Variants in ASTN2 observed in about 807,000 individuals in gnomAD.
The protein encoded by ASTN2 is astrotactin-2.
A neutral mutation model predicts 139.8 loss-of-function variants in ASTN2; 54 were observed. That is an observed-to-expected ratio of 0.39 (90% CI 0.31 to 0.48). The LOEUF is 0.48. Ranked by LOEUF, ASTN2 falls within the 20% of genes least tolerant of loss-of-function variation. The probability of loss-of-function intolerance (pLI) is 0.95; values close to 1 mark genes in which losing one functional copy is unlikely to be tolerated. For synonymous variants in ASTN2, 756 were observed against 719.5 expected (o/e 1.05, Z -0.81); for missense variants, 1,565 against 1,725.1 (o/e 0.91, Z 1.64).
intron 7 of ASTN2, among the ~76,000 whole-genome samples, chr9:117,002,689 G>A (rs1837225823): frequency 6.6e-6 from 1 of 152,182 alleles, no homozygotes. Flanking sequence ...CTTCCTGCTT[G>A]TATTATTCTT....
chr9:117,311,660 C>A (rs1376329818), intron 1 of ASTN2, among the ~76,000 whole-genome samples: 1 of 152,084 alleles, frequency 6.6e-6, no homozygotes, highest in Non-Finnish European at 1.5e-5. Flanking sequence ...CCAAAAAAAA[C>A]CTCTTTATTG....
At chr9:117,029,578 C>A (rs529464511) in intron 6 of ASTN2, among the ~76,000 whole-genome samples, 30 of 152,108 alleles carry the variant, frequency 2.0e-4, no homozygotes, top group Admixed American at 1.9e-3. Context: ...CACCACTAAG[C>A]TGGAGAAGGC....
chr9:116,951,806 T>C (rs1436693229), intron 10 of ASTN2, among the ~76,000 whole-genome samples: 2 of 151,960 alleles, frequency 1.3e-5, no homozygotes, highest in Non-Finnish European at 2.9e-5. Context: ...ATTTTACTTC[T>C]AAGGTCATAT....
chr9:117,029,281 T>C (rs1477745043), intron 6 of ASTN2, among the ~76,000 whole-genome samples: 1 of 152,178 alleles, frequency 6.6e-6, no homozygotes, highest in Non-Finnish European at 1.5e-5. Context: ...TTTCTAATCA[T>C]TACCAGTGTT....
At chr9:116,767,983 C>T (rs1234090747) in intron 13 of ASTN2, among the ~76,000 whole-genome samples, 1 of 152,130 alleles carries the variant, frequency 6.6e-6, no homozygotes, top group East Asian at 1.9e-4. Context: ...TAAACACCTA[C>T]TTTGTGCCAA....
chr9:117,404,431 G>A (rs1317700976), intron 1 of ASTN2, among the ~76,000 whole-genome samples: 2 of 152,172 alleles, frequency 1.3e-5, no homozygotes, highest in Non-Finnish European at 2.9e-5. Flanking sequence ...AAATGTATTT[G>A]TCTTCGCTAC....
At chr9:117,379,691 T>G (rs1830215286) in intron 1 of ASTN2, among the ~76,000 whole-genome samples, 1 of 152,164 alleles carries the variant, frequency 6.6e-6, no homozygotes, top group African/African-American at 2.4e-5. Context: ...ATGTAGATCA[T>G]TAGAAGCACT....
At chr9:116,858,626 G>A (rs970228581) in intron 11 of ASTN2, among the ~76,000 whole-genome samples, 3 of 152,130 alleles carry the variant, frequency 2.0e-5, no homozygotes, top group African/African-American at 4.8e-5. Context: ...ACATCATTAT[G>A]TTTGTCAGAT....
intron 5 of ASTN2, among the ~76,000 whole-genome samples, chr9:117,069,189 A>G (rs1828038413): frequency 1.2e-5 from 1 of 82,768 alleles, no homozygotes; most frequent in Non-Finnish European, 2.4e-5. Flanking sequence ...AATGCGTCCC[A>G]GAGATTCTGG....
chr9:116,827,127 T>C (rs1403280353), intron 11 of ASTN2, among the ~76,000 whole-genome samples: 1 of 151,238 alleles, frequency 6.6e-6, no homozygotes, highest in Non-Finnish European at 1.5e-5. Flanking sequence ...CTGAGCAACA[T>C]GGAGAAAACC....
chr9:116,699,113 G>A lies in ASTN2; in HGVS notation c.2806+26658C>T. On this transcript the variant is annotated intron_variant, in intron 16 of 22. Transcript: ENST00000313400. The surrounding 1 kb of genome is among the most constrained non-coding windows in gnomAD (Gnocchi z 4.2). ...ATAACTCCCTCAAGGTATATACCTT[G>A]GATGGCCACTGCGTGGCCTGTCACA... is the stretch of plus-strand genomic sequence containing the variant. 6.2e-7 allele frequency: 1 copy of A among 1,614,052 alleles called. No individual in the cohort carries two copies.
intron 17 of ASTN2, among the ~76,000 whole-genome samples, chr9:116,641,578 C>T (rs1857331165): frequency 6.6e-6 from 1 of 152,122 alleles, no homozygotes; most frequent in Admixed American, 6.6e-5. Context: ...ATTAAAAGGA[C>T]AAGGGAAAGC....
intron 2 of ASTN2, among the ~76,000 whole-genome samples, chr9:117,288,914 A>G (rs1005531478): frequency 3.3e-5 from 5 of 152,234 alleles, no homozygotes; most frequent in African/African-American, 1.2e-4. Context: ...AATACCCTTA[A>G]GTGCCAAGCT....
intron 1 of ASTN2, among the ~76,000 whole-genome samples, chr9:117,318,758 G>T (rs971785926): frequency 2.0e-5 from 3 of 152,142 alleles, no homozygotes; most frequent in Admixed American, 6.5e-5. Flanking sequence ...GCAGGTACAC[G>T]TCTCAGTCCC....
Position 116,429,217 on chromosome 9 carries a change from T to C in ASTN2, c.3783-3129A>G, listed in dbSNP as rs1421475842. ...AGCCAGGCCTTGTGGTGTATGCCTGTAATCCCAGCTACTCGGGAGGCTGAA... is the reference window on the plus strand; with the variant it reads ...AGCCAGGCCTTGTGGTGTATGCCTGCAATCCCAGCTACTCGGGAGGCTGAA... On this transcript the variant is annotated intron_variant, in intron 22 of 22. Coordinates refer to ENST00000313400, the MANE Select transcript of ASTN2 (RefSeq NM_001365068.1). 2.0e-5 allele frequency among the ~76,000 whole-genome samples: 3 copies of C among 151,760 alleles called. No homozygotes were observed. The South Asian group carries it at 6.2e-4, about 31-fold the overall frequency.
At chr9:116,490,701 A>G (rs1849493526) in intron 19 of ASTN2, among the ~76,000 whole-genome samples, 1 of 152,202 alleles carries the variant, frequency 6.6e-6, no homozygotes, top group Non-Finnish European at 1.5e-5. Flanking sequence ...ATAGCCCCTT[A>G]TAAAATCATC....
chr9:116,699,568 G>A lies in ASTN2; in HGVS notation c.2806+26203C>T. On this transcript the variant is annotated intron_variant, in intron 16 of 22. Coordinates refer to ENST00000313400, the MANE Select transcript of ASTN2 (RefSeq NM_001365068.1). This position sits in a 1 kb window ranked among gnomAD's most constrained non-coding sequence, Gnocchi z 4.2. ...CATTTTCCTAAGGGTGGGGGCTATA[G>A]TGTCCTTATTCGAGAGGGACTTACC... 6.2e-7 allele frequency: 1 copy of A among 1,614,208 alleles called. No individual in the cohort carries two copies. The highest frequency in any genetic ancestry group is 8.5e-7 in the Non-Finnish European group (1 of 1,180,038).
chr9:117,212,244 C>T (rs1832158508), intron 3 of ASTN2, among the ~76,000 whole-genome samples: 1 of 151,908 alleles, frequency 6.6e-6, no homozygotes, highest in East Asian at 1.9e-4. Flanking sequence ...CACTTTTACC[C>T]AATAAAAAAT....
At chr9:116,815,490 C>T (rs1251845162) in intron 12 of ASTN2, among the ~76,000 whole-genome samples, 2 of 152,002 alleles carry the variant, frequency 1.3e-5, no homozygotes, top group African/African-American at 2.4e-5. Context: ...TCTAAATGAT[C>T]TGAAAAATAC....
Sources: allele counts gnomAD v4.1 joint callset (sites outside exome capture counted in the v4.1 genomes callset), GRCh38; gene constraint gnomAD v4.1.1; non-coding constraint Gnocchi (gnomAD v3.1); transcripts MANE v1.5; gene names NCBI Gene and HGNC (gene_info 2026-07-23, HGNC 2026-07-21).